The following RERG variants were observed in gnomAD, a reference collection of about 807,000 sequenced individuals.
RERG encodes ras-related and estrogen-regulated growth inhibitor.
RERG carries 25 observed loss-of-function variants against 23.2 expected under a neutral mutation model. That is an observed-to-expected ratio of 1.08 (90% CI 0.79 to 1.50). The LOEUF (loss-of-function observed/expected upper bound fraction) is 1.50. Ranked by LOEUF, RERG falls within the 40% of genes most tolerant of loss-of-function variation. The probability of loss-of-function intolerance (pLI) is 0.00; values close to 1 mark genes in which losing one functional copy is unlikely to be tolerated. For synonymous variants in RERG, 81 were observed against 89.1 expected (o/e 0.91, Z 0.51); for missense variants, 253 against 250.1 (o/e 1.01, Z -0.08).
intron 3 of RERG, among the ~76,000 whole-genome samples, chr12:15,117,322 C>A (rs1032631269): frequency 6.6e-6 from 1 of 152,046 alleles, no homozygotes; most frequent in Non-Finnish European, 1.5e-5. Context: ...GTACCTGTTT[C>A]CTTATTTGTC....
At chr12:15,114,403 C>G (rs1322328284) in intron 3 of RERG, 1 of 151,880 alleles carries the variant, frequency 6.6e-6, no homozygotes, top group Non-Finnish European at 1.5e-5. Flanking sequence ...GATAAGTGAA[C>G]AGGAAAGAAA....
At chr12:15,184,842 T>C (rs1432796470) in intron 2 of RERG, among the ~76,000 whole-genome samples, 1 of 152,136 alleles carries the variant, frequency 6.6e-6, no homozygotes, top group Non-Finnish European at 1.5e-5. Flanking sequence ...CTCTCATAGA[T>C]TGCATAACTT....
intron 2 of RERG, among the ~76,000 whole-genome samples, chr12:15,199,214 G>C (rs1565535557): frequency 6.6e-6 from 1 of 152,062 alleles, no homozygotes; most frequent in Non-Finnish European, 1.5e-5. Context: ...TCAGGCATGG[G>C]TGAAGCTCAA....
At chr12:15,211,283 A>T (rs2136147578) in intron 2 of RERG, among the ~76,000 whole-genome samples, 1 of 119,156 alleles carries the variant, frequency 8.4e-6, no homozygotes, top group South Asian at 3.3e-4. Context: ...ATGTCATTTT[A>T]TACACACACA....
chr12:15,179,175 A>G (rs1864891192), intron 2 of RERG, among the ~76,000 whole-genome samples: 2 of 152,192 alleles, frequency 1.3e-5, no homozygotes, highest in Admixed American at 1.3e-4. Context: ...TGCTGATAAG[A>G]GTGGCTACTT....
chr12:15,183,513 T>C (rs541066788), intron 2 of RERG, among the ~76,000 whole-genome samples: 112 of 152,094 alleles, frequency 7.4e-4, no homozygotes, highest in Non-Finnish European at 1.4e-3. Flanking sequence ...AGAAAATCAA[T>C]GGAGACATGA....
intron 2 of RERG, among the ~76,000 whole-genome samples, chr12:15,159,458 C>G (rs932927949): frequency 6.6e-6 from 1 of 152,142 alleles, no homozygotes; most frequent in Admixed American, 6.5e-5. Context: ...TATTTGGCCT[C>G]TCAGGATTTT....
At chr12:15,119,481 A>G (rs1406547212) in intron 3 of RERG, among the ~76,000 whole-genome samples, 1 of 152,206 alleles carries the variant, frequency 6.6e-6, no homozygotes, top group Non-Finnish European at 1.5e-5. Context: ...TTAAACTCCC[A>G]TTAATCATTA....
At chr12:15,156,955 A>G (rs997019523) in intron 2 of RERG, among the ~76,000 whole-genome samples, 2 of 152,192 alleles carry the variant, frequency 1.3e-5, no homozygotes, top group African/African-American at 4.8e-5. Context: ...AATACATGAT[A>G]ACATACTAAC....
At chr12:15,211,248 C>T (rs1865361447) in intron 2 of RERG, among the ~76,000 whole-genome samples, 1 of 151,098 alleles carries the variant, frequency 6.6e-6, no homozygotes, top group Non-Finnish European at 1.5e-5. Context: ...ACTTAATGCC[C>T]ATCAATGGAT....
chr12:15,202,649 T>C (rs1012039234), intron 2 of RERG, among the ~76,000 whole-genome samples: 10 of 151,764 alleles, frequency 6.6e-5, no homozygotes, highest in Admixed American at 4.6e-4. Context: ...GGATGAATAA[T>C]GTTTCATTAC....
At chr12:15,139,314 C>A (rs1174858733) in intron 2 of RERG, among the ~76,000 whole-genome samples, 1 of 151,832 alleles carries the variant, frequency 6.6e-6, no homozygotes, top group Non-Finnish European at 1.5e-5. Flanking sequence ...GGTTTTTTTA[C>A]CTTTCCATAT....
intron 4 of RERG, chr12:15,110,983 T>C (rs1460096469): frequency 5.9e-6 from 1 of 169,176 alleles, no homozygotes; most frequent in Non-Finnish European, 1.3e-5. Context: ...TTAGAGGCTC[T>C]GAGAATTCTT....
At chr12:15,186,557 A>G (rs1415544378) in intron 2 of RERG, among the ~76,000 whole-genome samples, 1 of 152,110 alleles carries the variant, frequency 6.6e-6, no homozygotes, top group African/African-American at 2.4e-5. Flanking sequence ...GAGGAGAGGA[A>G]GAGAAGAGGA....
intron 3 of RERG, among the ~76,000 whole-genome samples, chr12:15,118,966 T>G (rs7976517): frequency 0.67 from 101,209 of 152,074 alleles, 33,779 homozygotes; most frequent in Admixed American, 0.74. Flanking sequence ...CCCCAAGGTA[T>G]TATGAAGTTA....
intron 2 of RERG, among the ~76,000 whole-genome samples, chr12:15,169,987 G>A (rs1864755178): frequency 6.7e-6 from 1 of 149,304 alleles, no homozygotes; most frequent in East Asian, 2.0e-4. Context: ...GATCAACAAT[G>A]CATGAGTTTG....
At chr12:15,195,851 C>T (rs1318868578) in intron 2 of RERG, among the ~76,000 whole-genome samples, 1 of 152,066 alleles carries the variant, frequency 6.6e-6, no homozygotes, top group Non-Finnish European at 1.5e-5. Context: ...ATCTCCAATT[C>T]ATGACTTAAA....
intron 2 of RERG, among the ~76,000 whole-genome samples, chr12:15,153,587 A>C (rs1376884271): frequency 6.6e-6 from 1 of 152,228 alleles, no homozygotes; most frequent in African/African-American, 2.4e-5. Flanking sequence ...GGAGTAATTG[A>C]ATAGCTTTTA....
intron 3 of RERG, among the ~76,000 whole-genome samples, chr12:15,112,147 C>G (rs1308099949): frequency 6.6e-6 from 1 of 152,160 alleles, no homozygotes; most frequent in East Asian, 1.9e-4. Flanking sequence ...CTGTTTCTAA[C>G]AAGATAACAT....
Sources: gnomAD v4.1 joint callset for allele counts (sites outside exome capture counted in the v4.1 genomes callset) on GRCh38, gnomAD v4.1.1 for gene constraint, MANE v1.5 for transcripts, NCBI Gene and HGNC (gene_info 2026-07-23, HGNC 2026-07-21) for gene names.